The following KATNAL2 variants were observed in gnomAD, a reference collection of about 807,000 sequenced individuals.
The protein encoded by KATNAL2 is katanin p60 ATPase-containing subunit A-like 2.
Under a neutral mutation model 76.3 loss-of-function variants are expected in KATNAL2, and 52 were observed. The observed-to-expected ratio is 0.68, with a 90% CI of 0.55 to 0.86. The LOEUF (loss-of-function observed/expected upper bound fraction) is 0.86, where lower values mean the gene tolerates loss of function less well. KATNAL2 is among the 40% of genes least tolerant of loss of function. The probability of loss-of-function intolerance (pLI) is 0.00; values close to 1 mark genes in which losing one functional copy is unlikely to be tolerated. For missense variants in KATNAL2, 660 were observed against 668.9 expected (o/e 0.99, Z 0.15); for synonymous variants, 243 against 244.2 (o/e 1.00, Z 0.05).
At chr18:47,076,607 C>CT (rs2062236340) in intron 14 of KATNAL2, 2 of 152,058 alleles carry the variant, frequency 1.3e-5, no homozygotes, top group Admixed American at 1.3e-4. Context: ...ATTTCCATTT[C>CT]CCTGTCTGGG....
intron 15 of KATNAL2, among the ~76,000 whole-genome samples, chr18:47,083,996 C>T (rs1421088486): frequency 2.0e-5 from 3 of 152,174 alleles, no homozygotes; most frequent in Non-Finnish European, 2.9e-5. Context: ...ACCTGGTATA[C>T]CAAGCTCTGG....
intron 1 of KATNAL2, among the ~76,000 whole-genome samples, chr18:46,922,883 TATA>T (rs1408472485): frequency 2.0e-5 from 3 of 148,160 alleles, no homozygotes; most frequent in African/African-American, 7.4e-5. Flanking sequence ...TAATTTAATA[TATA>T]ATATCATATT....
At chr18:46,926,105 G>A (rs890992426) in intron 1 of KATNAL2, among the ~76,000 whole-genome samples, 3 of 152,108 alleles carry the variant, frequency 2.0e-5, no homozygotes, top group African/African-American at 7.2e-5. Context: ...TCTGATCTTA[G>A]TTATTTCTTG....
At chr18:47,096,506 T>TA (rs1420068221) in intron 15 of KATNAL2, among the ~76,000 whole-genome samples, 1 of 152,152 alleles carries the variant, frequency 6.6e-6, no homozygotes, top group Admixed American at 6.5e-5. Context: ...CACACCCGGC[T>TA]AATTTTTATA....
chr18:47,039,352 A>C (rs1372747484), intron 3 of KATNAL2, among the ~76,000 whole-genome samples: 1 of 152,126 alleles, frequency 6.6e-6, no homozygotes, highest in East Asian at 1.9e-4. Context: ...CATTAGCCCA[A>C]AGAGAAATTC....
intron 14 of KATNAL2, among the ~76,000 whole-genome samples, chr18:47,077,146 T>C (rs1234414172): frequency 6.6e-6 from 1 of 152,208 alleles, no homozygotes; most frequent in Non-Finnish European, 1.5e-5. Flanking sequence ...AATACCATCA[T>C]TATATTCATT....
intron 3 of KATNAL2, among the ~76,000 whole-genome samples, chr18:47,037,247 A>G (rs2060810372): frequency 6.6e-6 from 1 of 152,192 alleles, no homozygotes; most frequent in Admixed American, 6.5e-5. Context: ...TAAAACTGGG[A>G]ATGATATTCA....
At chr18:47,073,062 C>A (rs1224165243) in intron 13 of KATNAL2, among the ~76,000 whole-genome samples, 1 of 152,112 alleles carries the variant, frequency 6.6e-6, no homozygotes, top group Non-Finnish European at 1.5e-5. Flanking sequence ...TCAGAGGGAA[C>A]AGACATCACC....
chr18:46,929,783 TA>T (rs2058849237), intron 1 of KATNAL2, among the ~76,000 whole-genome samples: 1 of 152,186 alleles, frequency 6.6e-6, no homozygotes, highest in African/African-American at 2.4e-5. Context: ...TTTATTTATT[TA>T]TTTTTTTGAG....
chr18:47,037,156 G>T (rs2060807274), intron 3 of KATNAL2, among the ~76,000 whole-genome samples: 1 of 152,138 alleles, frequency 6.6e-6, no homozygotes, highest in African/African-American at 2.4e-5. Flanking sequence ...AATCTCCATT[G>T]CACCCGTAAA....
Position 47,034,305 on chromosome 18 carries a change from T to C in KATNAL2, c.52-12152T>C, listed in dbSNP as rs375002079. Reference sequence around the variant, plus strand: ...TCCCATTTCCTGGGTCCCGGCCGTCTAGACTGGGCCTCTTCTTGTTCGAGT... The same window carrying C: ...TCCCATTTCCTGGGTCCCGGCCGTCCAGACTGGGCCTCTTCTTGTTCGAGT... On this transcript the variant is annotated intron_variant, in intron 3 of 17. Transcript: ENST00000683218. 1.2e-5 allele frequency: 19 copies of C among 1,613,256 alleles called. No homozygotes were observed. The African/African-American group carries it at 1.9e-4, about 16-fold the overall frequency.
intron 3 of KATNAL2, among the ~76,000 whole-genome samples, chr18:47,031,946 G>T (rs556260324): frequency 2.0e-5 from 3 of 152,246 alleles, no homozygotes; most frequent in South Asian, 2.1e-4. Flanking sequence ...CCCGTGTGAG[G>T]CCAACAAATG....
intron 1 of KATNAL2, among the ~76,000 whole-genome samples, chr18:46,922,356 C>T (rs2058593673): frequency 6.6e-6 from 1 of 152,044 alleles, no homozygotes; most frequent in Non-Finnish European, 1.5e-5. Flanking sequence ...CTTGGCCTCC[C>T]AAAGTGCTAG....
At chr18:47,031,299 G>T (rs114107537) in intron 3 of KATNAL2, among the ~76,000 whole-genome samples, 1,925 of 152,130 alleles carry the variant, frequency 0.013, 46 homozygotes, top group African/African-American at 0.043. Flanking sequence ...TTACCTTTCA[G>T]TCCGAATGAG....
chr18:47,077,632 A>C (rs990784407), intron 15 of KATNAL2, 171 bp downstream of exon 15: 14 of 562,358 alleles, frequency 2.5e-5, no homozygotes, highest in Middle Eastern at 4.6e-4. Context: ...CTGTACCACG[A>C]AAGATCTGCC....
chr18:47,080,396 TACC>T lies in KATNAL2; in HGVS notation c.1211+2941_1211+2943del, dbSNP rs938243343. 7.2e-5 allele frequency among the ~76,000 whole-genome samples: 11 copies of T among 152,322 alleles called. No individual in the cohort carries two copies. The South Asian group carries it at 1.4e-3, about 20-fold the overall frequency. On this transcript the variant is annotated intron_variant, in intron 15 of 17. Transcript: ENST00000683218. ...TTGAGTGTATTTAGGGTTGTGCAAC[TACC>T]ACCACAATCAATTTTAGAACATTTT...
At chr18:47,083,114 C>A (rs1191671317) in intron 15 of KATNAL2, among the ~76,000 whole-genome samples, 1 of 152,196 alleles carries the variant, frequency 6.6e-6, no homozygotes, top group African/African-American at 2.4e-5. Flanking sequence ...GCATAAAAAT[C>A]TTTGACTAAA....
At chr18:47,044,947 A>C (rs1294662587) in intron 3 of KATNAL2, among the ~76,000 whole-genome samples, 1 of 152,068 alleles carries the variant, frequency 6.6e-6, no homozygotes, top group African/African-American at 2.4e-5. Flanking sequence ...CAGCCAGATT[A>C]GTTTTATCTA....
chr18:47,093,670 C>T (rs1304772832), intron 15 of KATNAL2, among the ~76,000 whole-genome samples: 2 of 152,048 alleles, frequency 1.3e-5, no homozygotes, highest in African/African-American at 4.8e-5. Flanking sequence ...GGACTACAGG[C>T]ATATGCCTGG....
Sources: gnomAD v4.1 joint callset for allele counts (sites outside exome capture counted in the v4.1 genomes callset) on GRCh38, gnomAD v4.1.1 for gene constraint, MANE v1.5 for transcripts, NCBI Gene and HGNC (gene_info 2026-07-23, HGNC 2026-07-21) for gene names.